FBXL17: variants seen among roughly 807,000 people sequenced by gnomAD.
FBXL17 encodes the protein F-box/LRR-repeat protein 17.
FBXL17 carries 22 observed loss-of-function variants against 66.2 expected under a neutral mutation model. That is an observed-to-expected ratio of 0.33 (90% CI 0.24 to 0.47). FBXL17 has a LOEUF of 0.47. FBXL17 is among the 20% of genes least tolerant of loss of function. FBXL17 has a pLI of 1.00. For missense variants in FBXL17, 878 were observed against 948.2 expected, an observed-to-expected ratio of 0.93 and a Z score of 0.97; for synonymous variants, 474 against 400.5, an observed-to-expected ratio of 1.18 and a Z score of -2.19.
chr5:108,149,590 G>T (rs1751690344), intron 6 of FBXL17, among the ~76,000 whole-genome samples: 1 of 152,152 alleles, frequency 6.6e-6, no homozygotes, highest in South Asian at 2.1e-4. Flanking sequence ...TGGACAGTCT[G>T]TACAGTGGCT....
At position 107,946,258 on chromosome 5, in the gene FBXL17, TATATATATA is replaced by T. The variant is rs1751278061; in HGVS notation, c.1823-65088_1823-65080del. On this transcript the variant is annotated intron_variant, in intron 7 of 8. Coordinates refer to ENST00000542267, the MANE Select transcript of FBXL17 (RefSeq NM_001163315.3). Reference sequence around the variant, plus strand: ...TATTACTTTTATCAATCTCATTTTATATATATATATATATATATATATATATATATATAT... The same window carrying T: ...TATTACTTTTATCAATCTCATTTTATTATATATATATATATATATATATAT... Among the ~76,000 whole-genome samples, 122 of 22,000 alleles carry T rather than the reference TATATATATA, an allele frequency of 5.5e-3. 3 individuals are homozygous for T. Among genetic ancestry groups the T allele is most frequent in the Admixed American group, 7.4e-3 (17 of 2,310 alleles). 14.4% of individuals were successfully genotyped at this position (22,000 alleles called of 152,430 possible).
chr5:108,347,644 A>G (rs1023738916), intron 4 of FBXL17, among the ~76,000 whole-genome samples: 2 of 152,224 alleles, frequency 1.3e-5, no homozygotes, highest in African/African-American at 4.8e-5. Context: ...ATAGAGATAG[A>G]AAGTAGATTA....
At chr5:108,229,970 G>T (rs1377928618) in intron 4 of FBXL17, among the ~76,000 whole-genome samples, 2 of 152,062 alleles carry the variant, frequency 1.3e-5, no homozygotes, top group Admixed American at 6.6e-5. Flanking sequence ...TGAAAAAAAT[G>T]CTCAACATCA....
At chr5:107,959,997 T>C (rs1017089664) in intron 7 of FBXL17, among the ~76,000 whole-genome samples, 2 of 152,140 alleles carry the variant, frequency 1.3e-5, no homozygotes, top group Non-Finnish European at 2.9e-5. Flanking sequence ...GACACAGAAG[T>C]CCCAGGGCCT....
At chr5:108,250,783 C>T (rs1201906155) in intron 4 of FBXL17, among the ~76,000 whole-genome samples, 3 of 152,054 alleles carry the variant, frequency 2.0e-5, no homozygotes, top group East Asian at 1.9e-4. Flanking sequence ...AATGCAAATG[C>T]TCATGTATGG....
At chr5:108,257,328 T>C (rs923415591) in intron 4 of FBXL17, among the ~76,000 whole-genome samples, 1 of 152,268 alleles carries the variant, frequency 6.6e-6, no homozygotes, top group Admixed American at 6.5e-5. Flanking sequence ...TGATTACTCA[T>C]TGAATAATTT....
Position 107,973,376 on chromosome 5 carries a change from T to G in FBXL17, c.1822+47549A>C, listed in dbSNP as rs1040775637. On this transcript the variant is annotated intron_variant, in intron 7 of 8. Coordinates refer to ENST00000542267, the MANE Select transcript of FBXL17 (RefSeq NM_001163315.3). ...GTAATTTTTTTTTTTTTTTTTTTTT[T>G]GCTCATCGGTTATCAGTCAGGGTTA... Among the ~76,000 whole-genome samples, 42 of 146,478 alleles carry G rather than the reference T, an allele frequency of 2.9e-4. 1 individual carries two copies. The East Asian group carries it at 3.1e-3, about 11-fold the overall frequency.
chr5:108,053,644 C>A (rs1747570786), intron 6 of FBXL17, among the ~76,000 whole-genome samples: 1 of 152,180 alleles, frequency 6.6e-6, no homozygotes, highest in African/African-American at 2.4e-5. Context: ...TAAATAGCAA[C>A]ACTTTTACAC....
At chr5:107,998,219 C>G (rs1487714730) in intron 7 of FBXL17, among the ~76,000 whole-genome samples, 1 of 152,152 alleles carries the variant, frequency 6.6e-6, no homozygotes, top group African/African-American at 2.4e-5. Flanking sequence ...TTTCTTTTCA[C>G]TGTTTTCAAT....
intron 7 of FBXL17, among the ~76,000 whole-genome samples, chr5:108,014,738 C>A (rs188826456): frequency 6.6e-6 from 1 of 152,186 alleles, no homozygotes; most frequent in Admixed American, 6.5e-5. Context: ...TATACTAGTC[C>A]GCTTTCATGC....
chr5:108,032,541 C>T (rs1190001576), intron 6 of FBXL17, among the ~76,000 whole-genome samples: 1 of 152,012 alleles, frequency 6.6e-6, no homozygotes, highest in East Asian at 1.9e-4. Flanking sequence ...AAGAGAGAGG[C>T]AAATGAAGAT....
intron 7 of FBXL17, among the ~76,000 whole-genome samples, chr5:107,916,936 T>C (rs1438177152): frequency 6.6e-6 from 1 of 152,206 alleles, no homozygotes; most frequent in African/African-American, 2.4e-5. Flanking sequence ...TCTCTGAGTA[T>C]GATCAAAGGT....
At chr5:108,197,913 T>TA (rs1753742922) in intron 5 of FBXL17, among the ~76,000 whole-genome samples, 1 of 152,118 alleles carries the variant, frequency 6.6e-6, no homozygotes, top group Non-Finnish European at 1.5e-5. Flanking sequence ...CCCAAGTTAA[T>TA]AAAAAATGCC....
At chr5:107,883,914 A>C (rs1748877553) in intron 7 of FBXL17, among the ~76,000 whole-genome samples, 2 of 152,162 alleles carry the variant, frequency 1.3e-5, no homozygotes. Context: ...CAAAGGAGCA[A>C]GGATAGGTAT....
rs905599435 is a variant in FBXL17 at position 108,365,051 on chromosome 5, C to T, written c.1117-56G>A. On this transcript the variant is annotated intron_variant, in intron 2 of 8. Transcript: ENST00000542267. ...TTTGCTAAAAATAAAAACGTATTTT[C>T]CATTTTTTAATTAAATGTTCCACAA... The T allele has an allele frequency of 9.3e-6, 12 of 1,296,600 alleles. No homozygotes were observed. In the African/African-American group the frequency reaches 1.5e-4, roughly 16 times the overall value. 80.3% of individuals were successfully genotyped at this position (1,296,600 alleles called of 1,614,324 possible). A position where few individuals can be genotyped will look rare whatever the true frequency, so the allele number is the denominator to read the frequency against.
chr5:108,291,040 A>C (rs1252501604), intron 4 of FBXL17, among the ~76,000 whole-genome samples: 1 of 152,210 alleles, frequency 6.6e-6, no homozygotes, highest in African/African-American at 2.4e-5. Context: ...GAACAGATTT[A>C]AATTGTCCTG....
intron 4 of FBXL17, among the ~76,000 whole-genome samples, chr5:108,280,909 T>C (rs887066037): frequency 1.3e-5 from 2 of 150,556 alleles, no homozygotes; most frequent in East Asian, 1.9e-4. Flanking sequence ...TTAAAAACAG[T>C]AAAAAGAGAA....
intron 7 of FBXL17, among the ~76,000 whole-genome samples, chr5:107,965,359 G>A (rs578212074): frequency 6.6e-6 from 1 of 152,144 alleles, no homozygotes; most frequent in African/African-American, 2.4e-5. Flanking sequence ...TCTTTTCATG[G>A]GATCAAATAT....
At chr5:108,104,525 G>A (rs759538350) in intron 6 of FBXL17, among the ~76,000 whole-genome samples, 1 of 152,200 alleles carries the variant, frequency 6.6e-6, no homozygotes, top group Non-Finnish European at 1.5e-5. Context: ...CTCCTACAGA[G>A]CAGAGCTCTG....
Sources: allele counts gnomAD v4.1 joint callset (sites outside exome capture counted in the v4.1 genomes callset), GRCh38; gene constraint gnomAD v4.1.1; transcripts MANE v1.5; gene names NCBI Gene and HGNC (gene_info 2026-07-23, HGNC 2026-07-21).